Variants in PDCD6IP observed in about 807,000 individuals in gnomAD.
PDCD6IP encodes programmed cell death 6 interacting protein, also known as programmed cell death 6-interacting protein.
In PDCD6IP, 43 loss-of-function variants were observed where a neutral mutation model predicts 103.7. The observed-to-expected ratio is 0.41, with a 90% CI of 0.32 to 0.53. The LOEUF is 0.53. Among genes scored for constraint, PDCD6IP ranks in the 20% least tolerant of loss-of-function variants. The pLI is 0.16. For missense variants in PDCD6IP, 871 were observed against 1,036.7 expected (o/e 0.84, Z 2.20); for synonymous variants, 354 against 378.7 (o/e 0.93, Z 0.76).
At chr3:33,809,411 A>G (rs1253328759) in intron 1 of PDCD6IP, among the ~76,000 whole-genome samples, 1 of 152,250 alleles carries the variant, frequency 6.6e-6, no homozygotes, top group Non-Finnish European at 1.5e-5. Flanking sequence ...CCTATAATTT[A>G]GTGACTCGAA....
chr3:33,836,077 C>G lies in PDCD6IP; in HGVS notation c.868C>G (p.Arg290Gly). ...AGAACTGATTAAAACAGTGGCATCT[C>G]GCTATGATGAATATGTTAATGTGAA... ...AAELIKTVAS[R>G]YDEYVNVKDF... The change falls in exon 8 of 18, where the codon CGC becomes GGC. Residue 290 changes from arginine (R) to glycine (G), a missense_variant. By Grantham distance (125) the Arg-to-Gly change is moderately radical (BLOSUM62 -2). Coordinates refer to ENST00000307296, the MANE Select transcript of PDCD6IP (RefSeq NM_013374.6). 1 of 1,610,352 alleles carries G rather than the reference C, an allele frequency of 6.2e-7. No homozygotes were observed. Among genetic ancestry groups the G allele is most frequent in the South Asian group, 1.1e-5 (1 of 90,988 alleles).
intron 12 of PDCD6IP, among the ~76,000 whole-genome samples, chr3:33,849,616 A>G (rs1489351974): frequency 6.6e-6 from 1 of 152,260 alleles, no homozygotes; most frequent in Non-Finnish European, 1.5e-5. Flanking sequence ...GGAGTTGTGT[A>G]TAAGAAATAA....
At chr3:33,842,765 A>G (rs886338239) in intron 10 of PDCD6IP, among the ~76,000 whole-genome samples, 1 of 152,202 alleles carries the variant, frequency 6.6e-6, no homozygotes, top group African/African-American at 2.4e-5. Context: ...AAAACTAGGA[A>G]ATTGACATTG....
Position 33,850,664 on chromosome 3 carries a change from T to C in PDCD6IP, c.1642-1824T>C, listed in dbSNP as rs149204985. On this transcript the variant is annotated intron_variant, in intron 12 of 17. Transcript: ENST00000307296. Reference sequence around the variant, plus strand: ...TGCTTTTGTATCCTTTTTTTCTCATTTAATAATATGTCCTGGAAGTCACTT... The same window carrying C: ...TGCTTTTGTATCCTTTTTTTCTCATCTAATAATATGTCCTGGAAGTCACTT... Among the ~76,000 whole-genome samples the C allele has an allele frequency of 7.2e-5, 11 of 152,302 alleles. No individual in the cohort carries two copies. In the East Asian group the frequency reaches 2.1e-3, roughly 29 times the overall value.
intron 1 of PDCD6IP, among the ~76,000 whole-genome samples, chr3:33,799,851 T>C (rs1402022410): frequency 6.6e-6 from 1 of 152,076 alleles, no homozygotes; most frequent in Non-Finnish European, 1.5e-5. Flanking sequence ...CCGGGCGCGG[T>C]GGCTCACGCC....
chr3:33,805,831 A>C (rs566594637), intron 1 of PDCD6IP, among the ~76,000 whole-genome samples: 1 of 150,878 alleles, frequency 6.6e-6, no homozygotes, highest in Non-Finnish European at 1.5e-5. Flanking sequence ...TGCAAGCTCC[A>C]CCTCCCAGGT....
chr3:33,807,556 C>T (rs1696625373), intron 1 of PDCD6IP, among the ~76,000 whole-genome samples: 1 of 145,876 alleles, frequency 6.9e-6, no homozygotes, highest in South Asian at 2.3e-4. Context: ...CCTACGGCCC[C>T]CTGGGGCAGG....
At chr3:33,830,636 G>A (rs1047322054) in intron 7 of PDCD6IP, among the ~76,000 whole-genome samples, 1 of 152,162 alleles carries the variant, frequency 6.6e-6, no homozygotes, top group African/African-American at 2.4e-5. Context: ...AGCTACTTGG[G>A]AGGTTGAGGT....
chr3:33,836,014 T>G (rs757075141), intron 7 of PDCD6IP, 30 bp from the exon 8 acceptor site: 13 of 1,213,652 alleles, frequency 1.1e-5, no homozygotes, highest in Non-Finnish European at 1.5e-5. Flanking sequence ...CCCTCTTTTT[T>G]TTTTTTGTTG....
chr3:33,832,945 A>G (rs536330046), intron 7 of PDCD6IP, among the ~76,000 whole-genome samples: 4 of 152,294 alleles, frequency 2.6e-5, no homozygotes, highest in Admixed American at 2.6e-4. Flanking sequence ...TTGTGTAACT[A>G]TGATGGTCAA....
At chr3:33,806,371 G>T (rs1166534543) in intron 1 of PDCD6IP, among the ~76,000 whole-genome samples, 1 of 152,090 alleles carries the variant, frequency 6.6e-6, no homozygotes, top group African/African-American at 2.4e-5. Context: ...CAGAGAAATT[G>T]AATAATTTTT....
chr3:33,830,124 A>T (rs1466441583), intron 7 of PDCD6IP, among the ~76,000 whole-genome samples: 3 of 152,132 alleles, frequency 2.0e-5, no homozygotes, highest in African/African-American at 7.2e-5. Context: ...AGACCATAAC[A>T]ATGGAAATGT....
chr3:33,800,470 C>T (rs1009557997), intron 1 of PDCD6IP, among the ~76,000 whole-genome samples: 9 of 152,086 alleles, frequency 5.9e-5, no homozygotes, highest in Non-Finnish European at 1.2e-4. Context: ...TGGATCAAAG[C>T]AAGATGAGTC....
intron 7 of PDCD6IP, among the ~76,000 whole-genome samples, chr3:33,830,272 T>G (rs1319777684): frequency 6.6e-6 from 1 of 152,184 alleles, no homozygotes; most frequent in East Asian, 1.9e-4. Context: ...AACTTAGATT[T>G]ATATATAAAA....
intron 1 of PDCD6IP, among the ~76,000 whole-genome samples, chr3:33,800,406 A>G (rs1696449890): frequency 6.6e-6 from 1 of 152,140 alleles, no homozygotes; most frequent in Non-Finnish European, 1.5e-5. Flanking sequence ...GAAATGGGCT[A>G]AGTTAATTGC....
intron 1 of PDCD6IP, among the ~76,000 whole-genome samples, chr3:33,803,815 T>C (rs984915892): frequency 2.6e-5 from 4 of 152,198 alleles, no homozygotes; most frequent in Non-Finnish European, 5.9e-5. Flanking sequence ...TGTTCTTTGT[T>C]CCTTTTTTCT....
At chr3:33,845,212 A>G (rs555931510) in intron 11 of PDCD6IP, among the ~76,000 whole-genome samples, 17 of 152,308 alleles carry the variant, frequency 1.1e-4, no homozygotes, top group African/African-American at 3.6e-4. Flanking sequence ...AGGTATAGCT[A>G]TGCTTTTGAT....
intron 1 of PDCD6IP, among the ~76,000 whole-genome samples, chr3:33,810,747 C>G (rs988510327): frequency 1.3e-5 from 2 of 152,058 alleles, no homozygotes; most frequent in African/African-American, 4.8e-5. Context: ...TCAAGGTTAC[C>G]GTGTACTGTG....
At chr3:33,847,348 A>G (rs1697614228) in intron 12 of PDCD6IP, among the ~76,000 whole-genome samples, 1 of 152,220 alleles carries the variant, frequency 6.6e-6, no homozygotes, top group African/African-American at 2.4e-5. Flanking sequence ...CTTGTGTTAC[A>G]CAGGAGAAAG....
Sources: gnomAD v4.1 joint callset for allele counts (sites outside exome capture counted in the v4.1 genomes callset) on GRCh38, gnomAD v4.1.1 for gene constraint, MANE v1.5 for transcripts, NCBI Gene and HGNC (gene_info 2026-07-23, HGNC 2026-07-21) for gene names.